FAM13A: variants seen among roughly 807,000 people sequenced by gnomAD.
FAM13A encodes the protein protein FAM13A.
In FAM13A, 76 loss-of-function variants were observed where a neutral mutation model predicts 129.6. That is an observed-to-expected ratio of 0.59 (90% confidence interval 0.49 to 0.71). The LOEUF (loss-of-function observed/expected upper bound fraction) is 0.71. FAM13A is among the 30% of genes least tolerant of loss of function. The pLI, the probability that FAM13A is intolerant of heterozygous loss-of-function variation, is 0.00. For missense variants in FAM13A, 1,108 were observed against 1,249.3 expected (o/e 0.89, Z 1.70); for synonymous variants, 443 against 449.9 (o/e 0.98, Z 0.20).
rs563238149 is a variant in FAM13A at position 88,751,110 on chromosome 4, C to T, written c.1727-473G>A. Among the ~76,000 whole-genome samples, 9 of 152,238 alleles carry T rather than the reference C, an allele frequency of 5.9e-5. No individual in the cohort carries two copies. The South Asian group carries it at 1.7e-3, about 28-fold the overall frequency. On this transcript the variant is annotated intron_variant, in intron 14 of 23. Transcript: ENST00000264344. ...TACAAAATTTAGCTGGGCGTGGTGG[C>T]GGATGCCTGTAATCCCAGCTACTGG... is the stretch of plus-strand genomic sequence containing the variant.
At chr4:88,835,189 C>A (rs1241679114) in intron 7 of FAM13A, among the ~76,000 whole-genome samples, 2 of 152,140 alleles carry the variant, frequency 1.3e-5, no homozygotes, top group Non-Finnish European at 2.9e-5. Flanking sequence ...CACTTTGCCC[C>A]CTATCGTGCC....
At chr4:88,824,014 T>A (rs1313672929) in intron 7 of FAM13A, among the ~76,000 whole-genome samples, 1 of 152,220 alleles carries the variant, frequency 6.6e-6, no homozygotes, top group African/African-American at 2.4e-5. Flanking sequence ...TATTTTTTTT[T>A]ATAGGTAACA....
chr4:88,757,179 A>G (rs1203962522), intron 14 of FAM13A, among the ~76,000 whole-genome samples: 2 of 152,214 alleles, frequency 1.3e-5, no homozygotes, highest in African/African-American at 4.8e-5. Flanking sequence ...CACTCTGAAG[A>G]GTATTCTCAG....
intron 1 of FAM13A, among the ~76,000 whole-genome samples, chr4:89,034,486 T>G (rs1257817012): frequency 2.0e-5 from 3 of 152,218 alleles, no homozygotes; most frequent in African/African-American, 7.2e-5. Flanking sequence ...GAATGTAAAT[T>G]AGTTTATCCC....
In FAM13A at chr4:88,976,962, G is replaced by A. The variant is rs535788057; in HGVS notation, c.605+14011C>T. 2.0e-5 allele frequency among the ~76,000 whole-genome samples: 3 copies of A among 152,216 alleles called. No individual in the cohort carries two copies. The East Asian group carries it at 5.8e-4, about 29-fold the overall frequency. Reference sequence around the variant, plus strand: ...AGTCTATACCATATAGCTTAGGTGTGTAGTAGACTATACCATCTACATTTG... The same window carrying A: ...AGTCTATACCATATAGCTTAGGTGTATAGTAGACTATACCATCTACATTTG... On this transcript the variant is annotated intron_variant, in intron 4 of 23. Transcript: ENST00000264344.
chr4:88,912,729 T>C (rs986477208), intron 5 of FAM13A, among the ~76,000 whole-genome samples: 3 of 152,158 alleles, frequency 2.0e-5, no homozygotes, highest in Non-Finnish European at 4.4e-5. Context: ...TACAGTTACA[T>C]ATCTATTGGT....
In FAM13A at chr4:89,029,518, G is replaced by C. The variant is rs1048505790; in HGVS notation, c.159C>G (p.Leu53=). ...VSLQELERQG[L]TENGIPAVVW... is the part of the protein sequence containing the mutation. ...CTACTGCTGGAATGCCATTCTCGGT[G>C]AGCCCCTGCCGTTCAAGTTCTTGGA... Residue 53 remains leucine, a synonymous_variant, in exon 2 of 24, where the codon CTC becomes CTG. Coordinates refer to ENST00000264344, the MANE Select transcript of FAM13A (RefSeq NM_014883.4). The C allele has an allele frequency of 3.8e-6, 6 of 1,593,376 alleles. No homozygotes were observed. Among genetic ancestry groups the C allele is most frequent in the Non-Finnish European group, 5.1e-6 (6 of 1,174,318 alleles).
chr4:88,823,158 G>A (rs375207824), intron 7 of FAM13A: 4 of 1,501,620 alleles, frequency 2.7e-6, no homozygotes, highest in East Asian at 4.7e-5. Flanking sequence ...TCTGCAGTTG[G>A]CCAGTCTACT....
intron 1 of FAM13A, among the ~76,000 whole-genome samples, chr4:89,054,759 A>T (rs771794543): frequency 2.6e-5 from 4 of 152,210 alleles, no homozygotes; most frequent in African/African-American, 9.6e-5. Context: ...CTTTTCATCT[A>T]TTCTTCTGAG....
intron 5 of FAM13A, among the ~76,000 whole-genome samples, chr4:88,914,418 C>T (rs1438079266): frequency 6.6e-6 from 1 of 152,136 alleles, no homozygotes; most frequent in Non-Finnish European, 1.5e-5. Flanking sequence ...CATAGCATTT[C>T]CCCTCTCCTC....
chr4:88,845,363 G>C (rs1736466021), intron 7 of FAM13A, among the ~76,000 whole-genome samples: 1 of 152,066 alleles, frequency 6.6e-6, no homozygotes, highest in East Asian at 1.9e-4. Flanking sequence ...TGGAGAACTA[G>C]GACTGAGCTC....
intron 6 of FAM13A, among the ~76,000 whole-genome samples, chr4:88,902,028 A>G (rs189119534): frequency 3.3e-4 from 51 of 152,298 alleles, no homozygotes; most frequent in African/African-American, 1.2e-3. Flanking sequence ...AAATTCCTGG[A>G]CACATACACC....
intron 4 of FAM13A, among the ~76,000 whole-genome samples, chr4:88,953,226 G>A (rs1008254622): frequency 5.9e-5 from 9 of 151,940 alleles, no homozygotes; most frequent in Admixed American, 1.3e-4. Flanking sequence ...AAACCGAGGC[G>A]GGCAGACCAC....
chr4:88,938,193 CT>C lies in FAM13A; in HGVS notation c.653del (p.Lys218ArgfsTer2). The C allele has an allele frequency of 6.2e-7, 1 of 1,613,430 alleles. No homozygotes were observed. The highest frequency in any genetic ancestry group is 8.5e-7 in the Non-Finnish European group (1 of 1,179,578). On this transcript the variant is annotated frameshift_variant, in exon 5 of 24. Coordinates refer to ENST00000264344, the MANE Select transcript of FAM13A (RefSeq NM_014883.4). LOFTEE classifies it high-confidence loss of function. The part of the protein sequence containing the change: ...EGMKEQDLCN[K>X]IMAKILENYN... ...AATTTTCTAGAATTTTAGCCATTATCTTGTTGCACAGGTCCTGTTCCTTCAT... is the reference window on the plus strand; with the variant it reads ...AATTTTCTAGAATTTTAGCCATTATCTGTTGCACAGGTCCTGTTCCTTCAT...
At chr4:88,762,233 C>T (rs995538097) in intron 13 of FAM13A, among the ~76,000 whole-genome samples, 5 of 152,166 alleles carry the variant, frequency 3.3e-5, no homozygotes, top group Non-Finnish European at 5.9e-5. Context: ...CAGCCAGAGC[C>T]ACCATAAACA....
intron 1 of FAM13A, among the ~76,000 whole-genome samples, chr4:89,033,744 T>C (rs537834807): frequency 1.3e-5 from 2 of 152,256 alleles, no homozygotes; most frequent in East Asian, 3.9e-4. Flanking sequence ...GTTTTTACAA[T>C]AGCTAACACA....
At chr4:88,729,833 A>T (rs1200925975) in intron 23 of FAM13A, 1 of 152,264 alleles carries the variant, frequency 6.6e-6, no homozygotes, top group African/African-American at 2.4e-5. Flanking sequence ...ATAAAAAAGG[A>T]TAAGCCAAAA....
intron 1 of FAM13A, among the ~76,000 whole-genome samples, chr4:89,035,640 G>T (rs1031418438): frequency 2.6e-5 from 4 of 152,188 alleles, no homozygotes; most frequent in African/African-American, 9.7e-5. Flanking sequence ...AGGAAGGGCT[G>T]GGTGGGAGGT....
chr4:89,026,622 G>A (rs1289334545), intron 2 of FAM13A, among the ~76,000 whole-genome samples: 1 of 152,218 alleles, frequency 6.6e-6, no homozygotes, highest in Non-Finnish European at 1.5e-5. Context: ...GCAGGAAGAA[G>A]AAGTGCTGAG....
Sources: gnomAD v4.1 joint callset for allele counts (sites outside exome capture counted in the v4.1 genomes callset) on GRCh38, gnomAD v4.1.1 for gene constraint, MANE v1.5 for transcripts, NCBI Gene and HGNC (gene_info 2026-07-23, HGNC 2026-07-21) for gene names.